Variants in ANOS1 observed in about 807,000 individuals in gnomAD.
The protein encoded by ANOS1 is anosmin 1, also known as anosmin-1.
ANOS1 carries 6 observed loss-of-function variants against 59.0 expected under a neutral mutation model. The observed-to-expected ratio is 0.10, with a 90% CI of 0.06 to 0.20. The LOEUF is 0.20. ANOS1 is among the 10% of genes least tolerant of loss of function. The pLI, the probability that ANOS1 is intolerant of heterozygous loss-of-function variation, is 1.00. For synonymous variants in ANOS1, 217 were observed against 223.4 expected, an observed-to-expected ratio of 0.97 and a Z score of 0.25; for missense variants, 433 against 542.3, an observed-to-expected ratio of 0.80 and a Z score of 2.00.
chrX:8,705,079 G>A (rs1602034881), intron 1 of ANOS1, among the ~76,000 whole-genome samples: 1 of 111,625 alleles, frequency 9.0e-6, no homozygotes. Flanking sequence ...GGATGAGTGG[G>A]CAATGGTATT....
At chrX:8,601,431 G>A (rs937222035) in intron 3 of ANOS1, among the ~76,000 whole-genome samples, 7 of 111,250 alleles carry the variant, frequency 6.3e-5, no homozygotes, top group Admixed American at 9.6e-5. Context: ...AACTGTGAGG[G>A]ACAGGAAAAC....
chrX:8,536,975 T>C lies in ANOS1; in HGVS notation c.1450-33A>G, dbSNP rs6640177. ...AAGAGAAAGAGAATTATGCTAGCAA[T>C]AAATCTCATTAGGGATTAAAAAACA... On this transcript the variant is annotated intron_variant, in intron 10 of 13. Coordinates refer to ENST00000262648, the MANE Select transcript of ANOS1 (RefSeq NM_000216.4). The C allele has an allele frequency of 1.4e-3, 1,586 of 1,096,687 alleles. 16 individuals carry two copies. The African/African-American group carries it at 0.026, about 18-fold the overall frequency. The allele number at this position is 1,096,687 out of a possible 1,213,427, so 90.4% of individuals were successfully genotyped here.
At chrX:8,722,896 C>T (rs1236794554) in intron 1 of ANOS1, among the ~76,000 whole-genome samples, 3 of 111,654 alleles carry the variant, frequency 2.7e-5, no homozygotes, top group African/African-American at 9.8e-5. Flanking sequence ...AATGGCCATT[C>T]TTGCGGGAGT....
chrX:8,626,348 T>A (rs76191369), intron 2 of ANOS1, among the ~76,000 whole-genome samples: 9,066 of 109,303 alleles, frequency 0.083, 532 homozygotes, highest in South Asian at 0.23. Flanking sequence ...CATAAAAAAA[T>A]TTTTAGATGT....
chrX:8,575,713 G>A (rs1930309122), intron 6 of ANOS1, among the ~76,000 whole-genome samples: 1 of 111,274 alleles, frequency 9.0e-6, no homozygotes, highest in African/African-American at 3.3e-5. Context: ...TTCTCAAAAG[G>A]AAGGCCCATT....
At chrX:8,533,366 A>G (rs966628159) in intron 13 of ANOS1, among the ~76,000 whole-genome samples, 1 of 112,552 alleles carries the variant, frequency 8.9e-6, no homozygotes, top group Admixed American at 9.4e-5. Flanking sequence ...AAATTATCAA[A>G]TACTTCTGTT....
At chrX:8,621,220 A>G (rs1301459477) in intron 3 of ANOS1, among the ~76,000 whole-genome samples, 2 of 110,034 alleles carry the variant, frequency 1.8e-5, no homozygotes, top group African/African-American at 6.6e-5. Context: ...GTAAAAATCA[A>G]CTGAGCATGG....
intron 9 of ANOS1, among the ~76,000 whole-genome samples, chrX:8,552,883 TTTAA>T (rs1295636457): frequency 4.6e-5 from 5 of 109,457 alleles, no homozygotes; most frequent in African/African-American, 1.3e-4. Flanking sequence ...TTGAATAAAC[TTTAA>T]TTAACATTAT....
At chrX:8,553,190 CA>C (rs1293403395) in intron 9 of ANOS1, among the ~76,000 whole-genome samples, 10 of 107,904 alleles carry the variant, frequency 9.3e-5, no homozygotes, top group Non-Finnish European at 1.5e-4. Flanking sequence ...AACAGAAAAA[CA>C]AATATTCTAA....
intron 1 of ANOS1, among the ~76,000 whole-genome samples, chrX:8,708,524 A>G (rs962920014): frequency 2.5e-4 from 28 of 112,371 alleles, no homozygotes; most frequent in African/African-American, 8.7e-4. Flanking sequence ...GCTCATCATC[A>G]CTGGTCATTA....
intron 3 of ANOS1, among the ~76,000 whole-genome samples, 199 bp downstream of exon 3, chrX:8,623,409 C>T (rs766693415): frequency 1.8e-5 from 2 of 110,409 alleles, no homozygotes; most frequent in Non-Finnish European, 3.8e-5. Flanking sequence ...TCTGGTTAGC[C>T]AATAATGCAA....
intron 8 of ANOS1, among the ~76,000 whole-genome samples, chrX:8,558,023 G>A (rs1929974599): frequency 9.0e-6 from 1 of 111,256 alleles, no homozygotes; most frequent in Non-Finnish European, 1.9e-5. Flanking sequence ...TCTTTTGCAG[G>A]GACATGGATG....
chrX:8,670,004 C>T (rs780815673), intron 2 of ANOS1, among the ~76,000 whole-genome samples: 3 of 111,740 alleles, frequency 2.7e-5, no homozygotes, highest in African/African-American at 6.5e-5. Flanking sequence ...AATAGATAAA[C>T]GATGAGAGAA....
At chrX:8,654,847 G>A (rs768719562) in intron 2 of ANOS1, among the ~76,000 whole-genome samples, 76 of 112,014 alleles carry the variant, frequency 6.8e-4, no homozygotes, top group Non-Finnish European at 1.1e-3. Flanking sequence ...ATTTTCAAAT[G>A]GTTGAAAAAA....
chrX:8,660,625 A>AT (rs1212159073), intron 2 of ANOS1, among the ~76,000 whole-genome samples: 1 of 109,903 alleles, frequency 9.1e-6, no homozygotes, highest in Non-Finnish European at 1.9e-5. Context: ...TAAAAAGAAA[A>AT]TTTTTAAAAA....
At chrX:8,690,648 CCA>C (rs1932592101) in intron 2 of ANOS1, among the ~76,000 whole-genome samples, 1 of 111,605 alleles carries the variant, frequency 9.0e-6, no homozygotes. Flanking sequence ...ACAAAAATTT[CCA>C]CAGTCATATT....
chrX:8,554,037 T>C lies in ANOS1; in HGVS notation c.1269A>G (p.Arg423=). Residue 423 remains arginine, a synonymous_variant, in exon 9 of 14, where the codon CGA becomes CGG. Transcript: ENST00000262648. ...CGACTTCCAGCGGGCGAGTGGGTCG[T>C]CGTCTTTGAAAAGGGAGTTGTGTTT... ...GIQTQLPFQR[R]RPTRPLEVGA... The C allele has an allele frequency of 8.3e-7, 1 of 1,207,492 alleles. No homozygotes were observed. Among genetic ancestry groups the C allele is most frequent in the Non-Finnish European group, 1.1e-6 (1 of 891,613 alleles).
At chrX:8,679,174 A>G (rs1438149794) in intron 2 of ANOS1, among the ~76,000 whole-genome samples, 1 of 111,729 alleles carries the variant, frequency 9.0e-6, no homozygotes, top group African/African-American at 3.3e-5. Flanking sequence ...AACTCAAGAG[A>G]CCAAGAGACT....
At chrX:8,628,951 A>G (rs1254070377) in intron 2 of ANOS1, among the ~76,000 whole-genome samples, 1 of 111,789 alleles carries the variant, frequency 8.9e-6, no homozygotes, top group Non-Finnish European at 1.9e-5. Flanking sequence ...AGAAGTATGT[A>G]AAATTATGCA....
Sources: gnomAD v4.1 joint callset for allele counts (sites outside exome capture counted in the v4.1 genomes callset) on GRCh38, gnomAD v4.1.1 for gene constraint, MANE v1.5 for transcripts, NCBI Gene and HGNC (gene_info 2026-07-23, HGNC 2026-07-21) for gene names.